TAF3: variants seen among roughly 807,000 people sequenced by gnomAD.
TAF3 encodes transcription initiation factor TFIID subunit 3.
TAF3 carries 7 observed loss-of-function variants against 80.6 expected under a neutral mutation model. The ratio of observed to expected loss-of-function variants is 0.09; its 90% CI spans 0.05 to 0.16. The LOEUF is 0.16. Among genes scored for constraint, TAF3 ranks in the 10% least tolerant of loss-of-function variants. The pLI is 1.00. For synonymous variants in TAF3, 444 were observed against 446.1 expected, an observed-to-expected ratio of 1.00 and a Z score of 0.06; for missense variants, 921 against 1,140.2, an observed-to-expected ratio of 0.81 and a Z score of 2.77.
chr10:7,948,842 C>T (rs527499638), intron 2 of TAF3, among the ~76,000 whole-genome samples: 1 of 152,306 alleles, frequency 6.6e-6, no homozygotes, highest in South Asian at 2.1e-4. Flanking sequence ...ATCTTGCTTC[C>T]TAACAGTCAT....
chr10:7,859,443 C>A (rs1012195073), intron 2 of TAF3, among the ~76,000 whole-genome samples: 4 of 152,092 alleles, frequency 2.6e-5, no homozygotes, highest in Admixed American at 2.0e-4. Context: ...TTCTTCAGTC[C>A]ATTCCAGATT....
chr10:7,976,134 C>A (rs1171234599), intron 3 of TAF3, among the ~76,000 whole-genome samples: 3 of 152,232 alleles, frequency 2.0e-5, no homozygotes, highest in African/African-American at 7.2e-5. Context: ...TTTCTGTGTT[C>A]TCTTCTGACG....
chr10:7,875,999 GTTT>G (rs915339816), intron 2 of TAF3, among the ~76,000 whole-genome samples: 1 of 151,208 alleles, frequency 6.6e-6, no homozygotes, highest in African/African-American at 2.4e-5. Context: ...TTCTCTTTAA[GTTT>G]TTTTATCATA....
chr10:7,992,199 T>C (rs1831841990), intron 4 of TAF3, among the ~76,000 whole-genome samples: 1 of 152,198 alleles, frequency 6.6e-6, no homozygotes, highest in South Asian at 2.1e-4. Context: ...AGCAAAAGCC[T>C]TTCTGAAATC....
At chr10:7,846,458 A>G (rs1199893882) in intron 2 of TAF3, among the ~76,000 whole-genome samples, 1 of 152,142 alleles carries the variant, frequency 6.6e-6, no homozygotes, top group African/African-American at 2.4e-5. Context: ...AATTTGAGGA[A>G]AGTGTTCTTA....
chr10:7,840,609 G>A (rs1836903045), intron 2 of TAF3, among the ~76,000 whole-genome samples: 1 of 151,308 alleles, frequency 6.6e-6, no homozygotes. Flanking sequence ...TACGGTTTTT[G>A]GAAATTTTCC....
rs1413355024 is a variant in TAF3 at position 8,009,333 on chromosome 10, G to C, written c.2568+3G>C. 6.3e-7 allele frequency: 1 copy of C among 1,591,278 alleles called. No homozygotes were observed. Among genetic ancestry groups the C allele is most frequent in the Non-Finnish European group, 8.6e-7 (1 of 1,169,464 alleles). On this transcript the variant is annotated splice_donor_region_variant and intron_variant, in intron 5 of 6. Transcript: ENST00000344293. The surrounding 1 kb of genome is among the most constrained non-coding windows in gnomAD (Gnocchi z 4.1). ...CTGAGACGGTCAGCACCTACGTGGTGCGTACCTGCCGCCCGCGCGGTTAGC... is the reference window on the plus strand; with the variant it reads ...CTGAGACGGTCAGCACCTACGTGGTCCGTACCTGCCGCCCGCGCGGTTAGC...
chr10:7,946,728 G>A (rs370133494), intron 2 of TAF3, among the ~76,000 whole-genome samples: 98 of 32,960 alleles, frequency 3.0e-3, no homozygotes, highest in African/African-American at 5.6e-3. Flanking sequence ...GGTCTCAAAC[G>A]AAAAAAAAAG....
rs1832036350 is a variant in TAF3 at position 8,009,776 on chromosome 10, C to T, written c.2568+446C>T. On this transcript the variant is annotated intron_variant, in intron 5 of 6. Coordinates refer to ENST00000344293, the MANE Select transcript of TAF3 (RefSeq NM_031923.4). This position sits in a 1 kb window ranked among gnomAD's most constrained non-coding sequence, Gnocchi z 4.1. ...AGCTGGGATTACAGGCACGTGCCACCACACCTGGCCAATTTTTTGTATTTT... is the reference window on the plus strand; with the variant it reads ...AGCTGGGATTACAGGCACGTGCCACTACACCTGGCCAATTTTTTGTATTTT... Among the ~76,000 whole-genome samples, 1 of 152,080 alleles carries T rather than the reference C, an allele frequency of 6.6e-6. No homozygotes were observed. The highest frequency in any genetic ancestry group is 2.4e-5 in the African/African-American group (1 of 41,406).
At chr10:7,873,617 T>TGCCCCCC in intron 2 of TAF3, among the ~76,000 whole-genome samples, 1 of 92,872 alleles carries the variant, frequency 1.1e-5, no homozygotes, top group African/African-American at 4.6e-5. Flanking sequence ...ATCCGAGTTC[T>TGCCCCCC]CCCCCCCCCC....
In TAF3 at chr10:7,971,215, T is replaced by C. The variant is rs1011351131; in HGVS notation, c.2232+5473T>C. On this transcript the variant is annotated intron_variant, in intron 3 of 6. Coordinates refer to ENST00000344293, the MANE Select transcript of TAF3 (RefSeq NM_031923.4). ...TCTTCTGACTCTCTGTTTAATATTTTAAATAGTTATCAGAGTTTACTTAGA... is the reference window on the plus strand; with the variant it reads ...TCTTCTGACTCTCTGTTTAATATTTCAAATAGTTATCAGAGTTTACTTAGA... 3.3e-5 allele frequency among the ~76,000 whole-genome samples: 5 copies of C among 152,336 alleles called. No homozygotes were observed. The East Asian group carries it at 5.8e-4, about 18-fold the overall frequency.
At chr10:7,968,976 GTCACT>G (rs1176999410) in intron 3 of TAF3, among the ~76,000 whole-genome samples, 1 of 152,116 alleles carries the variant, frequency 6.6e-6, no homozygotes, top group Non-Finnish European at 1.5e-5. Context: ...ACTCTAGACT[GTCACT>G]TATTTAAAAT....
intron 2 of TAF3, among the ~76,000 whole-genome samples, chr10:7,957,800 T>G (rs11255461): frequency 5.5e-5 from 5 of 91,352 alleles, no homozygotes; most frequent in South Asian, 4.5e-4. Context: ...GCGCGCTCTC[T>G]CTCTCTCTCT....
At chr10:7,855,569 G>A (rs1045140464) in intron 2 of TAF3, among the ~76,000 whole-genome samples, 1 of 152,140 alleles carries the variant, frequency 6.6e-6, no homozygotes, top group Non-Finnish European at 1.5e-5. Context: ...TTGATGGTAG[G>A]CATTTCCCAA....
intron 4 of TAF3, among the ~76,000 whole-genome samples, chr10:8,003,622 A>G (rs767119994): frequency 1.3e-5 from 2 of 152,262 alleles, no homozygotes; most frequent in Non-Finnish European, 2.9e-5. Context: ...CTTATAAGAA[A>G]CTATCATTTG....
intron 2 of TAF3, among the ~76,000 whole-genome samples, chr10:7,932,712 C>G (rs1365289152): frequency 1.8e-5 from 2 of 112,384 alleles, no homozygotes; most frequent in Non-Finnish European, 3.3e-5. Flanking sequence ...GGGTCTTGCT[C>G]TGTCATCCAG....
At chr10:7,876,861 C>A (rs1393620733) in intron 2 of TAF3, among the ~76,000 whole-genome samples, 1 of 152,158 alleles carries the variant, frequency 6.6e-6, no homozygotes. Flanking sequence ...GATTCTTCCT[C>A]CAGACTCTTT....
intron 4 of TAF3, among the ~76,000 whole-genome samples, chr10:8,004,217 AT>A (rs1296660012): frequency 4.0e-5 from 6 of 151,628 alleles, no homozygotes; most frequent in Non-Finnish European, 7.4e-5. Flanking sequence ...CACCCAGCTA[AT>A]TTTTGTATTT....
At chr10:7,970,330 T>C (rs1831610668) in intron 3 of TAF3, among the ~76,000 whole-genome samples, 1 of 152,246 alleles carries the variant, frequency 6.6e-6, no homozygotes, top group Non-Finnish European at 1.5e-5. Context: ...GTTCCAGGCC[T>C]TGCCAGAATT....
Sources: allele counts gnomAD v4.1 joint callset (sites outside exome capture counted in the v4.1 genomes callset), GRCh38; gene constraint gnomAD v4.1.1; non-coding constraint Gnocchi (gnomAD v3.1); transcripts MANE v1.5; gene names NCBI Gene and HGNC (gene_info 2026-07-23, HGNC 2026-07-21).